Variants in BICRAL observed in about 807,000 individuals in gnomAD.
BICRAL encodes BRD4-interacting chromatin-remodeling complex-associated protein-like.
Under a neutral mutation model 91.8 loss-of-function variants are expected in BICRAL, and 8 were observed. The ratio of observed to expected loss-of-function variants is 0.09; its 90% confidence interval spans 0.05 to 0.16. The LOEUF (loss-of-function observed/expected upper bound fraction) is 0.16, where lower values mean the gene tolerates loss of function less well. BICRAL is among the 10% of genes least tolerant of loss of function. The pLI, the probability that BICRAL is intolerant of heterozygous loss-of-function variation, is 1.00. For synonymous variants in BICRAL, 445 were observed against 491.1 expected (o/e 0.91, Z 1.24); for missense variants, 1,038 against 1,310.9 (o/e 0.79, Z 3.21).
chr6:42,825,291 G>A (rs1163953775), intron 5 of BICRAL, among the ~76,000 whole-genome samples: 1 of 148,924 alleles, frequency 6.7e-6, no homozygotes, highest in Non-Finnish European at 1.5e-5. Context: ...TTGGCTGGGC[G>A]CGGTGGCTCA....
At chr6:42,782,045 C>CGCCCCT (rs1489972277), upstream of BICRAL, 2 of 148,786 alleles carry the variant, frequency 1.3e-5, no homozygotes, top group Admixed American at 6.7e-5. Flanking sequence ...CCGCCGCCGC[C>CGCCCCT]GCCCCTGTTG....
At chr6:42,799,354 A>G (rs1267819248) in intron 1 of BICRAL, among the ~76,000 whole-genome samples, 2 of 145,528 alleles carry the variant, frequency 1.4e-5, no homozygotes, top group Non-Finnish European at 3.0e-5. Flanking sequence ...GTTGGAGTGC[A>G]GTGGCGCGAT....
intron 1 of BICRAL, among the ~76,000 whole-genome samples, chr6:42,768,834 G>A (rs543354256): frequency 3.9e-5 from 6 of 152,172 alleles, no homozygotes; most frequent in Non-Finnish European, 8.8e-5. Context: ...CCCAGTCTCT[G>A]TGTCCCAAGT....
intron 1 of BICRAL, among the ~76,000 whole-genome samples, chr6:42,799,109 A>G (rs1293475457): frequency 6.6e-6 from 1 of 152,074 alleles, no homozygotes. Context: ...GTCTCACTAT[A>G]TTGCCCAGGC....
At position 42,857,169 on chromosome 6, in the gene BICRAL, G is replaced by T. The variant is rs9471932; in HGVS notation, c.2187G>T (p.Ala729=). 1.9e-6 allele frequency: 3 copies of T among 1,612,922 alleles called. No homozygotes were observed. Among genetic ancestry groups the T allele is most frequent in the South Asian group, 2.2e-5 (2 of 91,062 alleles). ...DKSHFRSLSD[A]VQRLLSYHVC... The stretch of plus-strand genomic sequence containing the variant: ...GTCACTTCCGATCACTAAGTGATGC[G>T]GTACAGAGACTGCTCTCCTACCACG... Residue 729 remains alanine, a synonymous_variant, in exon 10 of 13, where the codon GCG becomes GCT. Transcript: ENST00000314073.
chr6:42,861,297 G>C (rs549173385), intron 11 of BICRAL, among the ~76,000 whole-genome samples: 8 of 152,332 alleles, frequency 5.3e-5, no homozygotes, highest in African/African-American at 1.4e-4. Context: ...GGGTGACAGA[G>C]TGAGACTCCG....
At chr6:42,764,944 C>T (rs904920904) in intron 1 of BICRAL, among the ~76,000 whole-genome samples, 1 of 152,196 alleles carries the variant, frequency 6.6e-6, no homozygotes, top group Non-Finnish European at 1.5e-5. Flanking sequence ...CAGGCATGAG[C>T]GACCACGCCC....
chr6:42,823,130 T>A (rs1764192144), intron 5 of BICRAL, 127 bp downstream of exon 5: 7 of 592,448 alleles, frequency 1.2e-5, no homozygotes, highest in East Asian at 6.0e-5. Context: ...AATTTAATTT[T>A]ATTTATTTAT....
intron 1 of BICRAL, among the ~76,000 whole-genome samples, chr6:42,750,209 A>G (rs111955734): frequency 0.13 from 19,717 of 151,522 alleles, 1,360 homozygotes; most frequent in Admixed American, 0.17. Flanking sequence ...CACCTAGGCT[A>G]AAGTGCAGTG....
At chr6:42,751,654 CTTTTTTTTTTTTTT>C (rs1190737893) in intron 1 of BICRAL, among the ~76,000 whole-genome samples, 1 of 116,570 alleles carries the variant, frequency 8.6e-6, no homozygotes, top group Non-Finnish European at 1.8e-5. Flanking sequence ...TCTTTCTTTT[CTTTTTTTTTTTTTT>C]TTTTTTGAGA....
At chr6:42,793,190 C>A (rs181854352) in intron 1 of BICRAL, among the ~76,000 whole-genome samples, 121 of 108,876 alleles carry the variant, frequency 1.1e-3, no homozygotes, top group African/African-American at 3.9e-3. Flanking sequence ...GTTACCCAGA[C>A]TGGAGTGCAT....
chr6:42,814,937 G>A (rs1488276656), intron 2 of BICRAL, among the ~76,000 whole-genome samples: 1 of 151,108 alleles, frequency 6.6e-6, no homozygotes, highest in East Asian at 1.9e-4. Flanking sequence ...TTGAGACAGG[G>A]TCTCACTCTA....
chr6:42,830,914 T>TTC (rs1764457684), intron 6 of BICRAL, among the ~76,000 whole-genome samples: 2 of 152,294 alleles, frequency 1.3e-5, no homozygotes, highest in African/African-American at 4.8e-5. Flanking sequence ...CCCGACCTTT[T>TTC]TTCTTAAAAT....
rs56661185 is a variant in BICRAL, at chr6:42,793,969, CATTTTTATTTTTATTTTT to C, written c.-102+11894_-102+11911del. 2.3e-4 allele frequency among the ~76,000 whole-genome samples: 33 copies of C among 145,976 alleles called. 1 individual carries two copies. The highest frequency in any genetic ancestry group is 4.5e-4 in the South Asian group (2 of 4,474). ...TGTCTCGAACTCCTGGACAAGATGA[CATTTTTATTTTTATTTTT>C]ATTTTTATTTTTATTTTTATTTTTA... On this transcript the variant is annotated intron_variant, in intron 1 of 12. Transcript: ENST00000314073.
chr6:42,773,538 G>A (rs1387139620), intron 1 of BICRAL, among the ~76,000 whole-genome samples: 5 of 151,708 alleles, frequency 3.3e-5, no homozygotes, highest in Non-Finnish European at 4.4e-5. Flanking sequence ...TGTGTGAGAC[G>A]GAGTCTCGCT....
chr6:42,821,007 A>T (rs1764121412), intron 2 of BICRAL: 1 of 152,212 alleles, frequency 6.6e-6, no homozygotes, highest in Non-Finnish European at 1.5e-5. Flanking sequence ...CAGAGGAAAA[A>T]CATTTAGTAG....
At chr6:42,798,365 C>A (rs1188246251) in intron 1 of BICRAL, among the ~76,000 whole-genome samples, 1 of 148,586 alleles carries the variant, frequency 6.7e-6, no homozygotes, top group Non-Finnish European at 1.5e-5. Flanking sequence ...AAAAGAGTCA[C>A]ATAAACTAGA....
intron 1 of BICRAL, among the ~76,000 whole-genome samples, chr6:42,798,293 A>T (rs753812753): frequency 6.6e-6 from 1 of 152,132 alleles, no homozygotes; most frequent in African/African-American, 2.4e-5. Flanking sequence ...ACCAGTATGC[A>T]ATATACCCAT....
chr6:42,848,259 A>T (rs1179693721), intron 6 of BICRAL, among the ~76,000 whole-genome samples: 1 of 152,000 alleles, frequency 6.6e-6, no homozygotes, highest in Non-Finnish European at 1.5e-5. Flanking sequence ...CTCAAAAAAA[A>T]AAAAATTAGC....
Sources: gnomAD v4.1 joint callset for allele counts (sites outside exome capture counted in the v4.1 genomes callset) on GRCh38, gnomAD v4.1.1 for gene constraint, MANE v1.5 for transcripts, NCBI Gene and HGNC (gene_info 2026-07-23, HGNC 2026-07-21) for gene names.